Variants in FAM186A observed in about 807,000 individuals in gnomAD.
FAM186A encodes protein FAM186A.
FAM186A carries 163 observed loss-of-function variants against 216.8 expected under a neutral mutation model. The observed-to-expected ratio is 0.75, with a 90% CI of 0.66 to 0.86. The LOEUF (loss-of-function observed/expected upper bound fraction) is 0.86. FAM186A is among the 40% of genes least tolerant of loss of function. The pLI, the probability that FAM186A is intolerant of heterozygous loss-of-function variation, is 0.00. For synonymous variants in FAM186A, 805 were observed against 1,025.3 expected, an observed-to-expected ratio of 0.79 and a Z score of 4.10; for missense variants, 2,184 against 2,746.2, an observed-to-expected ratio of 0.80 and a Z score of 4.58.
chr12:50,345,106 G>GC (rs1373312332), intron 4 of FAM186A, among the ~76,000 whole-genome samples: 3 of 152,012 alleles, frequency 2.0e-5, no homozygotes, highest in Non-Finnish European at 4.4e-5. Flanking sequence ...ACAAAAATTA[G>GC]CCAGGGGTGG....
chr12:50,338,000 A>G (rs886783072), intron 4 of FAM186A, among the ~76,000 whole-genome samples: 15 of 152,290 alleles, frequency 9.8e-5, no homozygotes, highest in Middle Eastern at 3.4e-3. Context: ...AATCATGGCT[A>G]TTCATCCTCC....
At position 50,343,294 on chromosome 12, in the gene FAM186A, A is replaced by T. The variant is rs374879957; in HGVS notation, c.6503+7035T>A. The stretch of plus-strand genomic sequence containing the variant: ...TGGCCTCAAGCAATCCTCCCGCCTT[A>T]GCTTCCCAAGGTGCTGTGATTACAA... On this transcript the variant is annotated intron_variant, in intron 4 of 7. Transcript: ENST00000327337. Among the ~76,000 whole-genome samples, 6 of 152,274 alleles carry T rather than the reference A, an allele frequency of 3.9e-5. 1 individual carries two copies. The East Asian group carries it at 1.2e-3, about 29-fold the overall frequency.
chr12:50,333,302 C>T (rs1348537706), intron 5 of FAM186A, among the ~76,000 whole-genome samples: 2 of 151,842 alleles, frequency 1.3e-5, no homozygotes, highest in Non-Finnish European at 2.9e-5. Flanking sequence ...GAGGTTGAGG[C>T]GGGTGGATCA....
intron 4 of FAM186A, among the ~76,000 whole-genome samples, chr12:50,346,471 C>G (rs1942818611): frequency 6.6e-6 from 1 of 152,132 alleles, no homozygotes; most frequent in Non-Finnish European, 1.5e-5. Context: ...GTGATCTGCC[C>G]ACCTCAGCCT....
At chr12:50,339,295 G>A (rs1942740246) in intron 4 of FAM186A, among the ~76,000 whole-genome samples, 1 of 152,184 alleles carries the variant, frequency 6.6e-6, no homozygotes, top group Non-Finnish European at 1.5e-5. Context: ...GGGATTACAG[G>A]CGTGTACCAC....
At chr12:50,381,406 G>T (rs1592631949) in intron 1 of FAM186A, among the ~76,000 whole-genome samples, 1 of 152,248 alleles carries the variant, frequency 6.6e-6, no homozygotes, top group East Asian at 1.9e-4. Flanking sequence ...GAGACCCTCA[G>T]TGGGTAGCTC....
At chr12:50,344,362 T>C (rs562251131) in intron 4 of FAM186A, among the ~76,000 whole-genome samples, 2 of 152,124 alleles carry the variant, frequency 1.3e-5, no homozygotes, top group Non-Finnish European at 2.9e-5. Flanking sequence ...AGCAAGAATG[T>C]CGGTATTTGG....
chr12:50,334,146 C>A (rs1942684544), intron 4 of FAM186A, 43 bp from the exon 5 acceptor site: 2 of 1,419,704 alleles, frequency 1.4e-6, no homozygotes, highest in Admixed American at 2.9e-5. Context: ...TAGTTGCAGA[C>A]CCTACTTCAA....
At position 50,350,953 on chromosome 12, in the gene FAM186A, G is replaced by T. The variant is rs1790807174; in HGVS notation, c.5879C>A (p.Ser1960Tyr). The T allele has an allele frequency of 6.4e-7, 1 of 1,551,412 alleles. No individual in the cohort carries two copies. The highest frequency in any genetic ancestry group is 8.7e-7 in the Non-Finnish European group (1 of 1,146,918). ...SVAKKRLAII[S>Y]SLKSKSVLIH... ...CAATACTGATTTAGATTTCAGAGAA[G>T]AAATAATTGCCAATCTTTTCTTAGC... The change falls in exon 4 of 8, where the codon TCT becomes TAT. Residue 1960 changes from serine to tyrosine, a missense_variant. Physicochemically the swap from Ser to Tyr is moderately radical, Grantham distance 144. Transcript: ENST00000327337.
At chr12:50,383,354 T>A (rs1209203012) in intron 1 of FAM186A, among the ~76,000 whole-genome samples, 1 of 141,292 alleles carries the variant, frequency 7.1e-6, no homozygotes, top group African/African-American at 2.6e-5. Context: ...CCCAGCACTT[T>A]GGGAGGCGGA....
intron 2 of FAM186A, among the ~76,000 whole-genome samples, 197 bp downstream of exon 2, chr12:50,362,948 A>C (rs557782475): frequency 1.3e-4 from 20 of 152,328 alleles, no homozygotes; most frequent in Non-Finnish European, 2.2e-4. Flanking sequence ...CAAGGAGGCC[A>C]GCATAGCTGG....
chr12:50,330,915 G>A (rs1042106506), intron 6 of FAM186A, among the ~76,000 whole-genome samples, 157 bp from the exon 7 acceptor site: 2 of 152,106 alleles, frequency 1.3e-5, no homozygotes, highest in South Asian at 4.1e-4. Flanking sequence ...CAGAGAGATG[G>A]ATGAAAAAGC....
chr12:50,394,580 TCTATCTAC>T (rs1283070936), intron 1 of FAM186A, among the ~76,000 whole-genome samples: 12 of 151,658 alleles, frequency 7.9e-5, no homozygotes, highest in South Asian at 6.3e-4. Context: ...TATCTATCTA[TCTATCTAC>T]CTATCTACCT....
chr12:50,392,242 G>C (rs1174625469), intron 1 of FAM186A: 1 of 166,628 alleles, frequency 6.0e-6, no homozygotes, highest in Admixed American at 6.2e-5. Flanking sequence ...ATGTGGTGAA[G>C]GTTTCACAGG....
At chr12:50,392,812 G>A (rs11503904) in intron 1 of FAM186A, among the ~76,000 whole-genome samples, 95,640 of 135,230 alleles carry the variant, frequency 0.71, 39,744 homozygotes, top group Non-Finnish European at 0.93. Context: ...GGGGTTTCAC[G>A]GTGTTAGCCA....
chr12:50,360,952 T>A lies in FAM186A; in HGVS notation c.413-26A>T. ...CTTGAAGAGAGTAAAAAAAAAATCA[T>A]TTTTGTGCAGAAAAATAAATAACTA... is the stretch of plus-strand genomic sequence containing the variant. On this transcript the variant is annotated intron_variant, in intron 2 of 7. Coordinates refer to ENST00000327337, the MANE Select transcript of FAM186A (RefSeq NM_001145475.3). 2.0e-6 allele frequency: 3 copies of A among 1,503,040 alleles called. 1 individual carries two copies. The highest frequency in any genetic ancestry group is 2.7e-6 in the Non-Finnish European group (3 of 1,122,836). 93.1% of individuals were successfully genotyped at this position (1,503,040 alleles called of 1,614,324 possible).
rs1943028688 is a variant in FAM186A at position 50,360,937 on chromosome 12, GT to G, written c.413-12del. 2 of 1,511,936 alleles carry G rather than the reference GT, an allele frequency of 1.3e-6. No individual in the cohort carries two copies. Among genetic ancestry groups the G allele is most frequent in the Admixed American group, 2.5e-5 (1 of 40,078 alleles). The allele number at this position is 1,511,936 out of a possible 1,614,324, so 93.7% of individuals were successfully genotyped here. A position where few individuals can be genotyped will look rare whatever the true frequency, so the allele number is the denominator to read the frequency against. ...CAGACAAAACATCATCTTGAAGAGAGTAAAAAAAAAATCATTTTTGTGCAGA... is the reference window on the plus strand; with the variant it reads ...CAGACAAAACATCATCTTGAAGAGAGAAAAAAAAAATCATTTTTGTGCAGA... On this transcript the variant is annotated splice_polypyrimidine_tract_variant and intron_variant, in intron 2 of 7. Coordinates refer to ENST00000327337, the MANE Select transcript of FAM186A (RefSeq NM_001145475.3).
At position 50,364,426 on chromosome 12, in the gene FAM186A, C is replaced by T. The variant is rs868129297; in HGVS notation, c.193-1062G>A. 4.4e-4 allele frequency among the ~76,000 whole-genome samples: 67 copies of T among 151,590 alleles called. 1 individual carries two copies. Among genetic ancestry groups the T allele is most frequent in the African/African-American group, 1.5e-3 (64 of 41,348 alleles). On this transcript the variant is annotated intron_variant, in intron 1 of 7. Coordinates refer to ENST00000327337, the MANE Select transcript of FAM186A (RefSeq NM_001145475.3). ...ACAAAAAATTAGCTGGGCGTGGTGG[C>T]GGGTGCCTGTAGTCCCAGCTACTGG...
rs547383202 is a variant in FAM186A at position 50,356,206 on chromosome 12, A to G, written c.626T>C (p.Ile209Thr). 1.5e-5 allele frequency: 24 copies of G among 1,550,934 alleles called. No homozygotes were observed. In the Admixed American group the frequency reaches 3.9e-4, roughly 25 times the overall value. Residue 209 changes from isoleucine (I) to threonine (T), a missense_variant, in exon 4 of 8, where the codon ATA (isoleucine) becomes ACA (threonine). By Grantham distance (89) the Ile-to-Thr change is moderately conservative. Coordinates refer to ENST00000327337, the MANE Select transcript of FAM186A (RefSeq NM_001145475.3). ...TLWKSWKERV[I>T]KRPSTARALR... ...AGCACGGGCTGTTGAAGGTCGTTTTATAACTCTTTCTTTCCAAGATTTCCA... is the reference window on the plus strand; with the variant it reads ...AGCACGGGCTGTTGAAGGTCGTTTTGTAACTCTTTCTTTCCAAGATTTCCA...
Sources: gnomAD v4.1 joint callset for allele counts (sites outside exome capture counted in the v4.1 genomes callset) on GRCh38, gnomAD v4.1.1 for gene constraint, MANE v1.5 for transcripts, NCBI Gene and HGNC (gene_info 2026-07-23, HGNC 2026-07-21) for gene names.